CDH13: variants seen among roughly 807,000 people sequenced by gnomAD.
CDH13 encodes the protein cadherin-13.
Under a neutral mutation model 63.8 loss-of-function variants are expected in CDH13, and 24 were observed. The observed-to-expected ratio is 0.38, with a 90% CI of 0.27 to 0.53. The LOEUF (loss-of-function observed/expected upper bound fraction) is 0.53. CDH13 is among the 20% of genes least tolerant of loss of function. CDH13 has a pLI of 0.85. For synonymous variants in CDH13, 503 were observed against 355.3 expected (o/e 1.42, Z -4.67); for missense variants, 1,049 against 903.1 (o/e 1.16, Z -2.07).
At chr16:83,567,162 T>A (rs1287909504) in intron 7 of CDH13, among the ~76,000 whole-genome samples, 1 of 152,250 alleles carries the variant, frequency 6.6e-6, no homozygotes, top group Non-Finnish European at 1.5e-5. Context: ...CCAGCCAGGC[T>A]TAGCTGCCAC....
At chr16:83,363,825 T>C (rs1050361102) in intron 6 of CDH13, among the ~76,000 whole-genome samples, 8 of 152,258 alleles carry the variant, frequency 5.3e-5, no homozygotes, top group African/African-American at 1.9e-4. Flanking sequence ...GAGGAGTTAT[T>C]AAAGCCACAG....
At chr16:83,323,781 A>C (rs2090294511) in intron 5 of CDH13, among the ~76,000 whole-genome samples, 1 of 152,148 alleles carries the variant, frequency 6.6e-6, no homozygotes, top group Non-Finnish European at 1.5e-5. Context: ...TAGATTCTTC[A>C]CTAGCCCATA....
At chr16:83,763,300 A>T (rs1914123772) in intron 11 of CDH13, among the ~76,000 whole-genome samples, 1 of 152,234 alleles carries the variant, frequency 6.6e-6, no homozygotes, top group Admixed American at 6.5e-5. Flanking sequence ...ATAGGCTAAG[A>T]TATATCATGT....
chr16:83,260,982 T>A (rs1188457243), intron 5 of CDH13, among the ~76,000 whole-genome samples: 1 of 151,194 alleles, frequency 6.6e-6, no homozygotes, highest in Non-Finnish European at 1.5e-5. Context: ...GTGGAGATCT[T>A]TTTATGTGAG....
At chr16:83,240,723 T>C (rs142108903) in intron 5 of CDH13, among the ~76,000 whole-genome samples, 22 of 92,676 alleles carry the variant, frequency 2.4e-4, no homozygotes, top group South Asian at 7.6e-4. Context: ...TAATCTTTTT[T>C]TTTTTTTTTT....
At chr16:83,327,791 A>C (rs930670283) in intron 5 of CDH13, among the ~76,000 whole-genome samples, 1 of 152,252 alleles carries the variant, frequency 6.6e-6, no homozygotes, top group Admixed American at 6.5e-5. Context: ...AAAAGAAAAA[A>C]GTCTTATAGG....
intron 6 of CDH13, among the ~76,000 whole-genome samples, chr16:83,433,730 C>T (rs9888906): frequency 2.6e-5 from 4 of 152,190 alleles, no homozygotes; most frequent in African/African-American, 9.7e-5. Context: ...ATGTAGATTC[C>T]TTGAATGTAC....
chr16:83,252,391 C>T (rs951652560), intron 5 of CDH13, among the ~76,000 whole-genome samples: 4 of 151,374 alleles, frequency 2.6e-5, no homozygotes, highest in South Asian at 2.1e-4. Context: ...GCCATAACTT[C>T]CTAATGAATG....
intron 2 of CDH13, among the ~76,000 whole-genome samples, chr16:82,935,724 T>G (rs1220556466): frequency 6.6e-6 from 1 of 151,996 alleles, no homozygotes; most frequent in Non-Finnish European, 1.5e-5. Context: ...ATTGGTAGTG[T>G]CATTAGAGTC....
At chr16:82,942,698 A>T (rs866889446) in intron 2 of CDH13, among the ~76,000 whole-genome samples, 4 of 152,186 alleles carry the variant, frequency 2.6e-5, no homozygotes, top group Admixed American at 1.3e-4. Context: ...AAGATGCCCA[A>T]GAAGAAGTCA....
At chr16:82,807,440 A>C (rs891372008) in intron 1 of CDH13, among the ~76,000 whole-genome samples, 1 of 152,192 alleles carries the variant, frequency 6.6e-6, no homozygotes, top group Non-Finnish European at 1.5e-5. Context: ...GGGTTAGAAC[A>C]ATAGAGGATT....
chr16:83,551,703 C>G (rs752340425), intron 7 of CDH13, among the ~76,000 whole-genome samples: 2 of 152,126 alleles, frequency 1.3e-5, no homozygotes, highest in Non-Finnish European at 2.9e-5. Flanking sequence ...TTCTTGTCCT[C>G]CCTTGGAGAA....
At chr16:83,000,220 CTTATTTTTTTTTTTTTTTTTTTTTT>C (rs1391136740) in intron 2 of CDH13, among the ~76,000 whole-genome samples, 8 of 33,948 alleles carry the variant, frequency 2.4e-4, no homozygotes, top group African/African-American at 8.3e-4. Flanking sequence ...ACAGGTTTAG[CTTATTTTTTTTTTTTTTTTTTTTTT>C]TTTTTTTTTT....
At chr16:83,681,292 A>G (rs1915383987) in intron 10 of CDH13, among the ~76,000 whole-genome samples, 1 of 152,076 alleles carries the variant, frequency 6.6e-6, no homozygotes, top group Non-Finnish European at 1.5e-5. Flanking sequence ...ACCCCACAGA[A>G]AATAGAGCTG....
chr16:82,737,081 T>C (rs1460513344), intron 1 of CDH13, among the ~76,000 whole-genome samples: 1 of 152,256 alleles, frequency 6.6e-6, no homozygotes, highest in Non-Finnish European at 1.5e-5. Context: ...TATCTTGTCA[T>C]AGTTTCATTT....
At chr16:83,098,358 T>A (rs1017051209) in intron 3 of CDH13, among the ~76,000 whole-genome samples, 1 of 152,232 alleles carries the variant, frequency 6.6e-6, no homozygotes, top group African/African-American at 2.4e-5. Flanking sequence ...CTACATTACA[T>A]TGCTATTATT....
chr16:83,415,340 T>G (rs987953191), intron 6 of CDH13, among the ~76,000 whole-genome samples: 1 of 152,096 alleles, frequency 6.6e-6, no homozygotes, highest in Non-Finnish European at 1.5e-5. Context: ...CACCAAACAT[T>G]TAAAGAATTG....
chr16:83,232,543 A>C (rs2040029878), intron 5 of CDH13, among the ~76,000 whole-genome samples: 1 of 114,524 alleles, frequency 8.7e-6, no homozygotes. Context: ...CAACAACAAC[A>C]ACAAACAAAC....
At chr16:82,911,785 C>T (rs571135367) in intron 2 of CDH13, among the ~76,000 whole-genome samples, 1 of 152,210 alleles carries the variant, frequency 6.6e-6, no homozygotes, top group South Asian at 2.1e-4. Context: ...ACCTATGCCC[C>T]AGGCTCCTGT....
Sources: allele counts gnomAD v4.1 joint callset (sites outside exome capture counted in the v4.1 genomes callset), GRCh38; gene constraint gnomAD v4.1.1; transcripts MANE v1.5; gene names NCBI Gene and HGNC (gene_info 2026-07-23, HGNC 2026-07-21).